Variants in ATP8A2 observed in about 807,000 individuals in gnomAD.
ATP8A2 encodes phospholipid-transporting ATPase IB.
Under a neutral mutation model 165.6 loss-of-function variants are expected in ATP8A2, and 100 were observed. That is an observed-to-expected ratio of 0.60 (90% CI 0.51 to 0.71). ATP8A2 has a LOEUF of 0.71. ATP8A2 is among the 30% of genes least tolerant of loss of function. ATP8A2 has a pLI of 0.00. For missense variants in ATP8A2, 1,227 were observed against 1,479.5 expected, an observed-to-expected ratio of 0.83 and a Z score of 2.80; for synonymous variants, 543 against 548.8, an observed-to-expected ratio of 0.99 and a Z score of 0.15.
intron 33 of ATP8A2, among the ~76,000 whole-genome samples, chr13:25,922,193 C>T (rs537002157): frequency 1.4e-4 from 22 of 152,194 alleles, no homozygotes; most frequent in South Asian, 4.2e-4. Flanking sequence ...ATCAGTAACA[C>T]GCAATTTCAA....
At chr13:25,669,561 A>C (rs2042221935) in intron 24 of ATP8A2, among the ~76,000 whole-genome samples, 1 of 152,206 alleles carries the variant, frequency 6.6e-6, no homozygotes, top group Non-Finnish European at 1.5e-5. Flanking sequence ...GTCTTCTCCA[A>C]GCATGTGGCA....
At chr13:25,845,234 C>T (rs1292255909) in intron 30 of ATP8A2, among the ~76,000 whole-genome samples, 2 of 152,204 alleles carry the variant, frequency 1.3e-5, no homozygotes, top group Non-Finnish European at 2.9e-5. Context: ...CCAAGTCCAT[C>T]AGGAGCCCTG....
At chr13:25,847,602 G>A (rs575504720) in intron 30 of ATP8A2, among the ~76,000 whole-genome samples, 1 of 152,322 alleles carries the variant, frequency 6.6e-6, no homozygotes, top group East Asian at 1.9e-4. Context: ...AATCAAGATG[G>A]ATTAGCCAGG....
chr13:25,913,236 T>C (rs1254868549), intron 33 of ATP8A2, among the ~76,000 whole-genome samples: 1 of 152,162 alleles, frequency 6.6e-6, no homozygotes, highest in Non-Finnish European at 1.5e-5. Context: ...AAGCCTACAC[T>C]GTTTCAGGAT....
rs868032107 is a variant in ATP8A2 at position 25,382,900 on chromosome 13, T to C, written c.76+10612T>C. Among the ~76,000 whole-genome samples the C allele has an allele frequency of 2.6e-4, 34 of 132,360 alleles. No homozygotes were observed. In the South Asian group the frequency reaches 3.2e-3, roughly 12 times the overall value. The allele number at this position is 132,360 out of a possible 152,430, so 86.8% of individuals were successfully genotyped here. A position where few individuals can be genotyped will look rare whatever the true frequency, so the allele number is the denominator to read the frequency against. ...CCTCCCGAGTAGCTGGGACTACAGGTGCCCGCCACCATGCCCAGCTAATTT... is the reference window on the plus strand; with the variant it reads ...CCTCCCGAGTAGCTGGGACTACAGGCGCCCGCCACCATGCCCAGCTAATTT... On this transcript the variant is annotated intron_variant, in intron 1 of 36. Coordinates refer to ENST00000381655, the MANE Select transcript of ATP8A2 (RefSeq NM_016529.6).
chr13:26,019,372 A>G (rs1364291593), intron 36 of ATP8A2, among the ~76,000 whole-genome samples: 2 of 152,216 alleles, frequency 1.3e-5, no homozygotes, highest in African/African-American at 4.8e-5. Context: ...ACTCCAGCCT[A>G]GGCGGCAGAG....
intron 1 of ATP8A2, among the ~76,000 whole-genome samples, chr13:25,420,295 A>G (rs2034262325): frequency 6.6e-6 from 1 of 152,254 alleles, no homozygotes; most frequent in Non-Finnish European, 1.5e-5. Context: ...AAGAAGGTTA[A>G]TACAGACAGG....
At chr13:25,842,372 G>C (rs1200512206) in intron 30 of ATP8A2, among the ~76,000 whole-genome samples, 2 of 152,120 alleles carry the variant, frequency 1.3e-5, no homozygotes, top group Non-Finnish European at 2.9e-5. Flanking sequence ...CTTTGAGTAT[G>C]AGGTTAAGAA....
chr13:25,936,647 A>G (rs904695927), intron 33 of ATP8A2, among the ~76,000 whole-genome samples: 2 of 152,236 alleles, frequency 1.3e-5, no homozygotes, highest in Non-Finnish European at 2.9e-5. Context: ...TCCTCTGATT[A>G]ATTAATTCCA....
At chr13:25,497,173 T>A (rs1233790505) in intron 2 of ATP8A2, among the ~76,000 whole-genome samples, 1 of 152,162 alleles carries the variant, frequency 6.6e-6, no homozygotes, top group Non-Finnish European at 1.5e-5. Flanking sequence ...TTCTTTGAAG[T>A]TTGAGGTGGG....
chr13:25,905,755 C>T (rs919425832), intron 33 of ATP8A2, among the ~76,000 whole-genome samples: 54 of 151,832 alleles, frequency 3.6e-4, no homozygotes, highest in African/African-American at 1.2e-3. Flanking sequence ...AAGGACAGGG[C>T]GTTGGTTCCT....
intron 2 of ATP8A2, among the ~76,000 whole-genome samples, chr13:25,522,326 T>C (rs1261382059): frequency 6.6e-6 from 1 of 152,206 alleles, no homozygotes; most frequent in Non-Finnish European, 1.5e-5. Flanking sequence ...TTTTGTATCC[T>C]GCAACTTACA....
At chr13:25,457,342 C>A (rs1307526004) in intron 1 of ATP8A2, among the ~76,000 whole-genome samples, 1 of 152,026 alleles carries the variant, frequency 6.6e-6, no homozygotes, top group Non-Finnish European at 1.5e-5. Flanking sequence ...TTTGAAATGC[C>A]ACTCTCATTT....
intron 1 of ATP8A2, among the ~76,000 whole-genome samples, chr13:25,439,623 A>G (rs1388166053): frequency 2.0e-5 from 3 of 152,188 alleles, no homozygotes; most frequent in African/African-American, 7.2e-5. Flanking sequence ...TGTAAATGTT[A>G]ACCAAGGCCA....
At chr13:25,637,439 A>G (rs974610695) in intron 24 of ATP8A2, among the ~76,000 whole-genome samples, 1 of 152,216 alleles carries the variant, frequency 6.6e-6, no homozygotes, top group Non-Finnish European at 1.5e-5. Context: ...TGGTCTTAGC[A>G]AATGGCACAC....
intron 1 of ATP8A2, among the ~76,000 whole-genome samples, chr13:25,399,429 C>G (rs1171307730): frequency 1.3e-5 from 1 of 75,790 alleles, no homozygotes; most frequent in Non-Finnish European, 2.5e-5. Flanking sequence ...GACGGAGTTT[C>G]GCTCTGTCGC....
chr13:25,386,801 A>T (rs573472187), intron 1 of ATP8A2, among the ~76,000 whole-genome samples: 53 of 152,152 alleles, frequency 3.5e-4, no homozygotes, highest in South Asian at 6.2e-4. Context: ...ATCGAGACCA[A>T]TCTGGCTAAC....
intron 24 of ATP8A2, among the ~76,000 whole-genome samples, chr13:25,603,026 C>T (rs371147428): frequency 1.3e-5 from 2 of 151,866 alleles, no homozygotes; most frequent in Admixed American, 6.6e-5. Context: ...GAGCCGAGAT[C>T]GTGCCACTGC....
At chr13:25,547,885 A>G (rs1364676975) in intron 10 of ATP8A2, among the ~76,000 whole-genome samples, 1 of 152,162 alleles carries the variant, frequency 6.6e-6, no homozygotes, top group Non-Finnish European at 1.5e-5. Flanking sequence ...TTCTTCAAGA[A>G]TTTTATGGAA....
Sources: allele counts gnomAD v4.1 joint callset (sites outside exome capture counted in the v4.1 genomes callset), GRCh38; gene constraint gnomAD v4.1.1; transcripts MANE v1.5; gene names NCBI Gene and HGNC (gene_info 2026-07-23, HGNC 2026-07-21).